GARIN2: variants seen among roughly 807,000 people sequenced by gnomAD.
GARIN2 encodes the protein golgi associated RAB2 interactor family member 2.
the GARIN2 span, chr14:67,225,048 T>C: frequency 7.0e-7 from 1 of 1,428,694 alleles, no homozygotes; most frequent in South Asian, 1.4e-5. Context: ...TTTTGGCTTT[T>C]TTTCTTTCTC....
At chr14:67,201,070 A>G in the GARIN2 span, among the ~76,000 whole-genome samples, 6 of 152,196 alleles carry the variant, frequency 3.9e-5, no homozygotes, top group Non-Finnish European at 7.3e-5. Context: ...ACAAGGCAGG[A>G]GGATCGCTTG....
At chr14:67,200,252 T>C in the GARIN2 span, 2 of 888,474 alleles carry the variant, frequency 2.3e-6, no homozygotes, top group Admixed American at 3.2e-5. Flanking sequence ...GCTACCAGCC[T>C]CTCCCTCCAA....
At chr14:67,190,429 G>C in the GARIN2 span, among the ~76,000 whole-genome samples, 1 of 151,822 alleles carries the variant, frequency 6.6e-6, no homozygotes, top group Admixed American at 6.6e-5. Flanking sequence ...TCGCCATTTG[G>C]CCAGGCTGGT....
the GARIN2 span, chr14:67,223,821 A>C: frequency 1.0e-6 from 1 of 985,442 alleles, no homozygotes; most frequent in Non-Finnish European, 1.2e-6. Context: ...CCTCTAAATC[A>C]CCTGTTCCCC....
At chr14:67,213,283 T>G in the GARIN2 span, among the ~76,000 whole-genome samples, 13 of 149,504 alleles carry the variant, frequency 8.7e-5, no homozygotes, top group Admixed American at 7.3e-4. Flanking sequence ...CATTTAGCAT[T>G]AGGTATATCT....
At chr14:67,203,685 C>T in the GARIN2 span, among the ~76,000 whole-genome samples, 46 of 152,280 alleles carry the variant, frequency 3.0e-4, no homozygotes, top group Non-Finnish European at 4.1e-4. Context: ...TTTAAATGGA[C>T]GCTTTCTCAT....
At chr14:67,210,778 C>T in the GARIN2 span, among the ~76,000 whole-genome samples, 1 of 151,690 alleles carries the variant, frequency 6.6e-6, no homozygotes, top group South Asian at 2.1e-4. Context: ...TTAGGGAGGC[C>T]GAGGGATGCA....
chr14:67,199,252 G>A, the GARIN2 span: 1 of 1,598,996 alleles, frequency 6.3e-7, no homozygotes, highest in Admixed American at 1.7e-5. Context: ...TCTTGAGTGA[G>A]GATGATGCTG....
At chr14:67,192,943 AAT>A in the GARIN2 span, among the ~76,000 whole-genome samples, 2 of 145,502 alleles carry the variant, frequency 1.4e-5, no homozygotes, top group Non-Finnish European at 3.0e-5. Flanking sequence ...TATCTAGATA[AAT>A]ATCTCTATAT....
chr14:67,194,029 A>G, the GARIN2 span, among the ~76,000 whole-genome samples: 1 of 151,852 alleles, frequency 6.6e-6, no homozygotes, highest in Non-Finnish European at 1.5e-5. Context: ...AAAACTGGAA[A>G]GACATATACC....
chr14:67,212,599 ATAT>A, the GARIN2 span, among the ~76,000 whole-genome samples: 568 of 137,082 alleles, frequency 4.1e-3, 4 homozygotes, highest in African/African-American at 6.5e-3. Context: ...GAAAAAAAAA[ATAT>A]ATATATATAT....
the GARIN2 span, among the ~76,000 whole-genome samples, chr14:67,205,679 AG>A: frequency 1.3e-3 from 192 of 152,326 alleles, no homozygotes; most frequent in Non-Finnish European, 2.1e-3. Context: ...TGTGGAGAAT[AG>A]TAGAATATAG....
chr14:67,225,926 A>T, the GARIN2 span, among the ~76,000 whole-genome samples: 19 of 136,716 alleles, frequency 1.4e-4, no homozygotes, highest in South Asian at 1.4e-3. Context: ...TAATGCTGTG[A>T]GTGTGTGTGT....
the GARIN2 span, among the ~76,000 whole-genome samples, chr14:67,212,447 A>C: frequency 2.0e-5 from 3 of 151,534 alleles, no homozygotes; most frequent in Admixed American, 6.6e-5. Context: ...AAAATTTTGC[A>C]GAGCATGGTG....
chr14:67,216,007 G>T, the GARIN2 span, among the ~76,000 whole-genome samples: 1 of 151,768 alleles, frequency 6.6e-6, no homozygotes, highest in African/African-American at 2.4e-5. Context: ...TATTTTTTGC[G>T]TGCAGTTTTA....
At chr14:67,198,395 TAGG>T in the GARIN2 span, 2 of 1,398,356 alleles carry the variant, frequency 1.4e-6, no homozygotes, top group South Asian at 1.3e-5. Context: ...AAAAGGATGG[TAGG>T]AGAATTGTTT....
the GARIN2 span, among the ~76,000 whole-genome samples, chr14:67,220,178 G>C: frequency 5.3e-5 from 8 of 152,292 alleles, no homozygotes; most frequent in Non-Finnish European, 1.0e-4. Flanking sequence ...GCTCATGCCT[G>C]TAATCCCAAA....
chr14:67,208,845 C>A, the GARIN2 span, among the ~76,000 whole-genome samples: 2 of 144,930 alleles, frequency 1.4e-5, no homozygotes, highest in African/African-American at 2.6e-5. Flanking sequence ...TGCAGTGAGC[C>A]AAGATCACGC....
the GARIN2 span, chr14:67,203,075 T>A: frequency 1.2e-6 from 2 of 1,607,616 alleles, no homozygotes; most frequent in Non-Finnish European, 1.7e-6. Context: ...TAACGCCTTT[T>A]CCTGTTTTCT....
Sources: gnomAD v4.1 joint callset for allele counts (sites outside exome capture counted in the v4.1 genomes callset) on GRCh38, gnomAD v4.1.1 for gene constraint, MANE v1.5 for transcripts, NCBI Gene and HGNC (gene_info 2026-07-23, HGNC 2026-07-21) for gene names.